Variants in ZNFX1 observed in about 807,000 individuals in gnomAD.
ZNFX1 encodes the protein zinc finger NFX1-type containing 1.
A neutral mutation model predicts 179.8 loss-of-function variants in ZNFX1; 78 were observed. The ratio of observed to expected loss-of-function variants is 0.43; its 90% CI spans 0.36 to 0.52. The LOEUF (loss-of-function observed/expected upper bound fraction) is 0.52, where lower values mean the gene tolerates loss of function less well. Among genes scored for constraint, ZNFX1 ranks in the 20% least tolerant of loss-of-function variants. The pLI, the probability that ZNFX1 is intolerant of heterozygous loss-of-function variation, is 0.00. For missense variants in ZNFX1, 1,927 were observed against 2,386.6 expected (o/e 0.81, Z 4.01); for synonymous variants, 848 against 868.5 (o/e 0.98, Z 0.42).
At chr20:49,251,676 T>C in intron 12 of ZNFX1, 54 bp from the exon 13 acceptor site, 2 of 1,481,158 alleles carry the variant, frequency 1.4e-6, no homozygotes, top group Non-Finnish European at 1.9e-6. Flanking sequence ...ACACGGACAA[T>C]TTCTTTAAAG....
chr20:49,263,097 C>A (rs989152683), intron 6 of ZNFX1, among the ~76,000 whole-genome samples: 2 of 152,166 alleles, frequency 1.3e-5, no homozygotes, highest in African/African-American at 2.4e-5. Context: ...GGGGAAACAG[C>A]CACAGAAAAT....
At chr20:49,250,597 G>A (rs1187435196) in intron 13 of ZNFX1, among the ~76,000 whole-genome samples, 1 of 152,074 alleles carries the variant, frequency 6.6e-6, no homozygotes. Flanking sequence ...TGCGTAGGCT[G>A]AAGTACAGTG....
chr20:49,259,706 T>C (rs1413689403), intron 7 of ZNFX1, among the ~76,000 whole-genome samples: 1 of 152,210 alleles, frequency 6.6e-6, no homozygotes, highest in African/African-American at 2.4e-5. Context: ...TGGGATTACA[T>C]GCATGGGCCA....
At chr20:49,265,008 A>G in intron 4 of ZNFX1, 144 bp from the exon 5 acceptor site, 1 of 1,088,534 alleles carries the variant, frequency 9.2e-7, no homozygotes, top group South Asian at 1.5e-5. Flanking sequence ...TTAATGAGTG[A>G]GAAGGTCCCC....
rs746669848 is a variant in ZNFX1, at chr20:49,247,678, A to G, written c.5346T>C (p.Asp1782=). ...RYKIAEKKVK[D]SIAVEVYSVQ... ...CACTATAGACCTCTACTGCTATGCT[A>G]TCTTTCACCTTCTTCTCTGCTATCT... Residue 1782 remains aspartate (D), a synonymous_variant, in exon 14 of 14, where the codon GAT becomes GAC. Coordinates refer to ENST00000396105, the MANE Select transcript of ZNFX1 (RefSeq NM_021035.3). 2 of 1,614,190 alleles carry G rather than the reference A, an allele frequency of 1.2e-6. No individual in the cohort carries two copies. Among genetic ancestry groups the G allele is most frequent in the South Asian group, 2.2e-5 (2 of 91,082 alleles).
In ZNFX1 at chr20:49,249,615, C is replaced by G; in HGVS notation, c.3409G>C (p.Val1137Leu). The change falls in exon 14 of 14, where the codon GTG becomes CTG. Residue 1137 changes from valine (V) to leucine (L), a missense_variant. Transcript: ENST00000396105. Reference sequence around the variant, plus strand: ...AGGAAGTACTTGCACAGCTCTACCACAAAGTGAGCCTCATGCTGGTTCTGA... The same window carrying G: ...AGGAAGTACTTGCACAGCTCTACCAGAAAGTGAGCCTCATGCTGGTTCTGA... The part of the protein sequence containing the change: ...SHQNQHEAHF[V>L]VELCKYFLCQ... 6.2e-7 allele frequency: 1 copy of G among 1,614,234 alleles called. No homozygotes were observed.
intron 1 of ZNFX1, among the ~76,000 whole-genome samples, chr20:49,277,432 G>A (rs1267296427): frequency 3.3e-5 from 5 of 151,062 alleles, no homozygotes; most frequent in Admixed American, 2.6e-4. Flanking sequence ...CAGGGAGCAG[G>A]CTGAAGGGGG....
rs1196724123 is a variant in ZNFX1 at position 49,271,130 on chromosome 20, T to C, written c.682A>G (p.Met228Val). 5 of 1,614,014 alleles carry C rather than the reference T, an allele frequency of 3.1e-6. No individual in the cohort carries two copies. Among genetic ancestry groups the C allele is most frequent in the Non-Finnish European group, 4.2e-6 (5 of 1,180,034 alleles). Reference sequence around the variant, plus strand: ...ATGTCAGGGATGGGTTCAGTGATCATCCCTACCACATAAGCAGGCAGGCAG... The same window carrying C: ...ATGTCAGGGATGGGTTCAGTGATCACCCCTACCACATAAGCAGGCAGGCAG... ...KVCLPAYVVG[M>V]ITEPIPDIRN... Residue 228 changes from methionine to valine, a missense_variant, in exon 3 of 14, where the codon ATG (methionine) becomes GTG (valine). Transcript: ENST00000396105.
Position 49,257,500 on chromosome 20 carries a change from C to T in ZNFX1, c.2581G>A (p.Ala861Thr). 1 of 1,613,976 alleles carries T rather than the reference C, an allele frequency of 6.2e-7. No individual in the cohort carries two copies. The highest frequency in any genetic ancestry group is 1.1e-5 in the South Asian group (1 of 91,070). The change falls in exon 8 of 14, where the codon GCT (alanine) becomes ACT (threonine). Residue 861 changes from alanine (A) to threonine (T), a missense_variant. Coordinates refer to ENST00000396105, the MANE Select transcript of ZNFX1 (RefSeq NM_021035.3). ...KEESGADQEL[A>T]KMLLAMRLDH... ...AGCCTCATGGCCAGAAGCATTTTAG[C>T]CAACTCCTGGTCTGCTCCACTCTCT...
At chr20:49,252,648 T>G in intron 12 of ZNFX1, 72 bp downstream of exon 12, 1 of 1,065,064 alleles carries the variant, frequency 9.4e-7, no homozygotes, top group Non-Finnish European at 1.4e-6. Flanking sequence ...GAGACCTCTT[T>G]TGCTGGCAAC....
At chr20:49,277,648 A>G (rs1184410065) in intron 1 of ZNFX1, among the ~76,000 whole-genome samples, 1 of 147,650 alleles carries the variant, frequency 6.8e-6, no homozygotes, top group Non-Finnish European at 1.5e-5. Flanking sequence ...CACTAAAGAG[A>G]GTACAGGGGA....
intron 7 of ZNFX1, among the ~76,000 whole-genome samples, chr20:49,259,570 C>T (rs971531388): frequency 6.6e-6 from 1 of 152,154 alleles, no homozygotes; most frequent in Non-Finnish European, 1.5e-5. Flanking sequence ...TACAGGCACG[C>T]ACCACCACAC....
At position 49,275,283 on chromosome 20, in the gene ZNFX1, G is replaced by A. The variant is rs574998078; in HGVS notation, c.61+496C>T. Among the ~76,000 whole-genome samples the A allele has an allele frequency of 3.9e-5, 6 of 152,222 alleles. No homozygotes were observed. In the South Asian group the frequency reaches 1.2e-3, roughly 32 times the overall value. ...ATTCATCAGCTCTCTTAGGAAAAGTGGAGGGTTGGCTGTTTTTCAGAGTAA... is the reference window on the plus strand; with the variant it reads ...ATTCATCAGCTCTCTTAGGAAAAGTAGAGGGTTGGCTGTTTTTCAGAGTAA... On this transcript the variant is annotated intron_variant, in intron 2 of 13. Coordinates refer to ENST00000396105, the MANE Select transcript of ZNFX1 (RefSeq NM_021035.3).
chr20:49,275,496 C>T (rs1335015127), intron 2 of ZNFX1, among the ~76,000 whole-genome samples: 1 of 152,150 alleles, frequency 6.6e-6, no homozygotes, highest in Non-Finnish European at 1.5e-5. Context: ...GCTGGGACTA[C>T]AGGCACGCAG....
At chr20:49,260,675 C>T in intron 6 of ZNFX1, 98 bp from the exon 7 acceptor site, 1 of 824,312 alleles carries the variant, frequency 1.2e-6, no homozygotes, top group Non-Finnish European at 1.9e-6. Flanking sequence ...GGCATGGTAG[C>T]TCATGCCTGT....
rs184813226 is a variant in ZNFX1, at chr20:49,252,302, C to T, written c.3216+418G>A. On this transcript the variant is annotated intron_variant, in intron 12 of 13. Transcript: ENST00000396105. Reference sequence around the variant, plus strand: ...GATTACAGGTGCCCACCACCATGCCCGGCTAATTTTTGCATTTTTAGTAGA... The same window carrying T: ...GATTACAGGTGCCCACCACCATGCCTGGCTAATTTTTGCATTTTTAGTAGA... Among the ~76,000 whole-genome samples the T allele has an allele frequency of 4.6e-5, 7 of 151,744 alleles. No individual in the cohort carries two copies. The East Asian group carries it at 5.8e-4, about 13-fold the overall frequency.
chr20:49,247,580 G>A lies in ZNFX1; in HGVS notation c.5444C>T (p.Ala1815Val). The stretch of plus-strand genomic sequence containing the variant: ...AGAGCAGGGAAGGGTGGCTTTCAGA[G>A]CTTCCATCTTTTCCTGCACAAGTTG... The part of the protein sequence containing the change: ...DEQLVQEKME[A>V]LKATLPCSGL... The change falls in exon 14 of 14, where the codon GCT becomes GTT. Residue 1815 changes from alanine to valine, a missense_variant. Coordinates refer to ENST00000396105, the MANE Select transcript of ZNFX1 (RefSeq NM_021035.3). 1.9e-6 allele frequency: 3 copies of A among 1,614,220 alleles called. No individual in the cohort carries two copies. Among genetic ancestry groups the A allele is most frequent in the Non-Finnish European group, 1.7e-6 (2 of 1,180,042 alleles).
chr20:49,247,538 T>C lies in ZNFX1; in HGVS notation c.5486A>G (p.Glu1829Gly). The C allele has an allele frequency of 6.2e-7, 1 of 1,614,226 alleles. No homozygotes were observed. Among genetic ancestry groups the C allele is most frequent in the Non-Finnish European group, 8.5e-7 (1 of 1,180,042 alleles). ...TLPCSGLGISEEERVQIVSAI... is the reference protein window; with the variant it reads ...TLPCSGLGISGEERVQIVSAI... ...ACTGACAATCTGCACTCGCTCTTCC[T>C]CTGAGATGCCCAGGCCAGAGCAGGG... Residue 1829 changes from glutamate (E) to glycine (G), a missense_variant, in exon 14 of 14, where the codon GAG becomes GGG. By Grantham distance (98) the Glu-to-Gly change is moderately conservative. Transcript: ENST00000396105.
At position 49,257,605 on chromosome 20, in the gene ZNFX1, C is replaced by A. The variant is rs775739321; in HGVS notation, c.2476G>T (p.Ala826Ser). ...GEEESSLIEI[A>S]EEADLIQADR... ...GCTTGAATCAGGTCAGCTTCCTCTG[C>A]GATCTCTATCAGCGAACTCTCCTCC... Residue 826 changes from alanine to serine, a missense_variant, in exon 8 of 14, where the codon GCA (alanine) becomes TCA (serine). Ala to Ser is a moderately conservative substitution (Grantham distance 99). Transcript: ENST00000396105. 5 of 1,613,982 alleles carry A rather than the reference C, an allele frequency of 3.1e-6. No individual in the cohort carries two copies. The highest frequency in any genetic ancestry group is 2.2e-5 in the East Asian group (1 of 44,868).
Sources: allele counts gnomAD v4.1 joint callset (sites outside exome capture counted in the v4.1 genomes callset), GRCh38; gene constraint gnomAD v4.1.1; transcripts MANE v1.5; gene names NCBI Gene and HGNC (gene_info 2026-07-23, HGNC 2026-07-21).